Variants in SPOCK2 observed in about 807,000 individuals in gnomAD.
SPOCK2 encodes testican-2.
SPOCK2 carries 39 observed loss-of-function variants against 60.1 expected under a neutral mutation model. The ratio of observed to expected loss-of-function variants is 0.65; its 90% CI spans 0.50 to 0.85. The LOEUF (loss-of-function observed/expected upper bound fraction) is 0.85, where lower values mean the gene tolerates loss of function less well. SPOCK2 is among the 40% of genes least tolerant of loss of function. The probability of loss-of-function intolerance (pLI) is 0.00; values close to 1 mark genes in which losing one functional copy is unlikely to be tolerated. For missense variants in SPOCK2, 523 were observed against 567.4 expected (o/e 0.92, Z 0.80); for synonymous variants, 217 against 231.5 (o/e 0.94, Z 0.57).
Position 72,067,631 on chromosome 10 carries a change from C to T in SPOCK2, c.691G>A (p.Val231Ile). The change falls in exon 7 of 11, where the codon GTA (valine) becomes ATA (isoleucine). Residue 231 changes from valine to isoleucine, a missense_variant. Val to Ile is a conservative substitution (Grantham distance 29, BLOSUM62 3). Transcript: ENST00000373109. ...TTCCTACCGCTGGCCGGGCCGGCTA[C>T]ACTGCTGGCTGAGCCATTCTGCTTG... ...NSKQNGSASS[V>I]AGPASGLDKS... 6.2e-7 allele frequency: 1 copy of T among 1,613,366 alleles called. No individual in the cohort carries two copies. The highest frequency in any genetic ancestry group is 1.1e-5 in the South Asian group (1 of 91,058).
At chr10:72,072,396 CG>C (rs1365437247) in intron 3 of SPOCK2, 106 bp downstream of exon 3, 1 of 1,545,710 alleles carries the variant, frequency 6.5e-7, no homozygotes, top group African/African-American at 1.4e-5. Flanking sequence ...CCATCCCCAC[CG>C]GGGCCTGGCT....
At position 72,087,975 on chromosome 10, in the gene SPOCK2, G is replaced by C. The variant is rs923829638; in HGVS notation, c.189+165C>G. On this transcript the variant is annotated intron_variant, in intron 1 of 10. Transcript: ENST00000373109. The surrounding 1 kb of genome is among the most constrained non-coding windows in gnomAD (Gnocchi z 4.7). ...GGCCCGGGCCGCAGGGACAGGGGAGGGGCGCTGGGCTGTGACCCCCAGTAC... is the reference window on the plus strand; with the variant it reads ...GGCCCGGGCCGCAGGGACAGGGGAGCGGCGCTGGGCTGTGACCCCCAGTAC... Among the ~76,000 whole-genome samples the C allele has an allele frequency of 1.3e-5, 2 of 152,068 alleles. No individual in the cohort carries two copies. Among genetic ancestry groups the C allele is most frequent in the African/African-American group, 2.4e-5 (1 of 41,428 alleles).
intron 1 of SPOCK2, among the ~76,000 whole-genome samples, chr10:72,079,334 T>C (rs1840753971): frequency 6.6e-6 from 1 of 152,108 alleles, no homozygotes; most frequent in African/African-American, 2.4e-5. Context: ...CTGCTTCAAG[T>C]CCTAGGCAGG....
Position 72,062,163 on chromosome 10 carries a change from T to A in SPOCK2, c.*597A>T, listed in dbSNP as rs562352979. On this transcript the variant is annotated 3_prime_UTR_variant, in exon 11 of 11. Coordinates refer to ENST00000373109, the MANE Select transcript of SPOCK2 (RefSeq NM_001244950.2). The surrounding 1 kb of genome is among the most constrained non-coding windows in gnomAD (Gnocchi z 4.3). The stretch of plus-strand genomic sequence containing the variant: ...AGGCTGGTGGGGATGTCACACCACA[T>A]CGGCCCAGTTTTGGGAGGACCTCAG... The A allele has an allele frequency of 6.6e-6, 1 of 152,668 alleles. No homozygotes were observed. Among genetic ancestry groups the A allele is most frequent in the African/African-American group, 2.4e-5 (1 of 41,442 alleles). The allele number at this position is 152,668 out of a possible 1,614,324, so 9.5% of individuals were successfully genotyped here.
chr10:72,074,536 G>C (rs572563360), intron 1 of SPOCK2, among the ~76,000 whole-genome samples: 1 of 152,346 alleles, frequency 6.6e-6, no homozygotes, highest in African/African-American at 2.4e-5. Context: ...AGTGACAGAA[G>C]GAAAACAAGG....
intron 2 of SPOCK2, 163 bp from the exon 3 acceptor site, chr10:72,072,711 C>T: frequency 7.5e-7 from 1 of 1,330,338 alleles, no homozygotes; most frequent in Non-Finnish European, 1.1e-6. Flanking sequence ...AGCTGCCTCC[C>T]CCACACCTCT....
rs1014968168 is a variant in SPOCK2 at position 72,063,632 on chromosome 10, G to A, written c.992-470C>T. ...GGCTCCCCAGCTGAAGCTCCCAGGC[G>A]CCTGTGTACAGGTCACACTGCTAGT... On this transcript the variant is annotated intron_variant, in intron 9 of 10. Transcript: ENST00000373109. Among the ~76,000 whole-genome samples the A allele has an allele frequency of 7.2e-5, 11 of 152,314 alleles. No homozygotes were observed. In the East Asian group the frequency reaches 9.7e-4, roughly 13 times the overall value.
At chr10:72,085,905 C>G (rs1840849049) in intron 1 of SPOCK2, among the ~76,000 whole-genome samples, 1 of 152,158 alleles carries the variant, frequency 6.6e-6, no homozygotes, top group South Asian at 2.1e-4. Context: ...TGGTGGGGAC[C>G]CTGTGTACTG....
rs76024641 is a variant in SPOCK2 at position 72,061,183 on chromosome 10, A to G, written c.*1577T>C. The G allele has an allele frequency of 4.1e-3, 622 of 152,630 alleles. 4 individuals carry two copies. The highest frequency in any genetic ancestry group is 0.014 in the African/African-American group (588 of 41,566). The allele number at this position is 152,630 out of a possible 1,614,324, so 9.5% of individuals were successfully genotyped here. A position where few individuals can be genotyped will look rare whatever the true frequency, so the allele number is the denominator to read the frequency against. ...AACTGGATGGGTGGGGGAAAACAGC[A>G]ACAAACAAACAAAAGAAATGCACAG... On this transcript the variant is annotated 3_prime_UTR_variant, in exon 11 of 11. Transcript: ENST00000373109.
At chr10:72,086,042 G>A (rs2131825187) in intron 1 of SPOCK2, among the ~76,000 whole-genome samples, 1 of 152,328 alleles carries the variant, frequency 6.6e-6, no homozygotes, top group Non-Finnish European at 1.5e-5. Context: ...CAGATCCCCA[G>A]GGCCAGGCCC....
chr10:72,085,017 G>A (rs577401495), intron 1 of SPOCK2, among the ~76,000 whole-genome samples: 115 of 152,314 alleles, frequency 7.6e-4, no homozygotes, highest in Non-Finnish European at 1.3e-3. Context: ...AAAGAGAACA[G>A]TCAGCTCTTC....
intron 1 of SPOCK2, among the ~76,000 whole-genome samples, chr10:72,082,434 C>A (rs145640855): frequency 6.6e-6 from 1 of 152,168 alleles, no homozygotes; most frequent in South Asian, 2.1e-4. Flanking sequence ...ATCTGTGTCC[C>A]CCCCAGACCC....
intron 1 of SPOCK2, among the ~76,000 whole-genome samples, chr10:72,079,195 G>A (rs1034516406): frequency 1.3e-5 from 2 of 152,188 alleles, no homozygotes; most frequent in African/African-American, 4.8e-5. Flanking sequence ...ACCCAGAACT[G>A]TGATTCCAGA....
rs909276164 is a variant in SPOCK2, at chr10:72,087,662, C to T, written c.189+478G>A. ...CCCACGGTGGGAACAGAGGGCACCG[C>T]GCGAGCCGATGCCACCCTCACTGCC... is the stretch of plus-strand genomic sequence containing the variant. On this transcript the variant is annotated intron_variant, in intron 1 of 10. Coordinates refer to ENST00000373109, the MANE Select transcript of SPOCK2 (RefSeq NM_001244950.2). The surrounding 1 kb of genome is among the most constrained non-coding windows in gnomAD (Gnocchi z 4.7). Among the ~76,000 whole-genome samples, 4 of 152,168 alleles carry T rather than the reference C, an allele frequency of 2.6e-5. No homozygotes were observed. The highest frequency in any genetic ancestry group is 9.7e-5 in the African/African-American group (4 of 41,450).
rs1840870494 is a variant in SPOCK2 at position 72,087,194 on chromosome 10, G to A, written c.189+946C>T. ...CCCCTGCTTCCCCAGCCCCCAACCC[G>A]GCCCGGCCGAGAGGAAGGAGCCAGC... On this transcript the variant is annotated intron_variant, in intron 1 of 10. Coordinates refer to ENST00000373109, the MANE Select transcript of SPOCK2 (RefSeq NM_001244950.2). This position sits in a 1 kb window ranked among gnomAD's most constrained non-coding sequence, Gnocchi z 4.7. Among the ~76,000 whole-genome samples the A allele has an allele frequency of 6.9e-6, 1 of 144,392 alleles. No individual in the cohort carries two copies. Among genetic ancestry groups the A allele is most frequent in the South Asian group, 2.3e-4 (1 of 4,334 alleles). The allele number at this position is 144,392 out of a possible 152,430, so 94.7% of individuals were successfully genotyped here. A position where few individuals can be genotyped will look rare whatever the true frequency, so the allele number is the denominator to read the frequency against.
intron 1 of SPOCK2, chr10:72,086,694 G>T (rs1840860473): frequency 1.5e-6 from 2 of 1,335,236 alleles, no homozygotes; most frequent in African/African-American, 1.5e-5. Context: ...CGAAGGCGGA[G>T]ATCAGCAGCC....
intron 1 of SPOCK2, chr10:72,086,420 G>C (rs1358217711): frequency 2.9e-6 from 3 of 1,032,480 alleles, no homozygotes; most frequent in Non-Finnish European, 3.5e-6. Context: ...AACCTTTCCT[G>C]TTCTGATTAA....
rs746708587 is a variant in SPOCK2, at chr10:72,072,498, G to A, written c.244+5C>T. The A allele has an allele frequency of 6.2e-7, 1 of 1,613,994 alleles. No individual in the cohort carries two copies. Among genetic ancestry groups the A allele is most frequent in the Non-Finnish European group, 8.5e-7 (1 of 1,180,012 alleles). The stretch of plus-strand genomic sequence containing the variant: ...CACCTTCCCCCGCCGGGAGAGTCAT[G>A]TTACCTTCATCTCCTTGCTGATTGT... On this transcript the variant is annotated splice_donor_5th_base_variant and intron_variant, in intron 3 of 10. Transcript: ENST00000373109.
rs550543066 is a variant in SPOCK2, at chr10:72,086,337, T to G, written c.189+1803A>C. 42 of 995,942 alleles carry G rather than the reference T, an allele frequency of 4.2e-5. No homozygotes were observed. The African/African-American group carries it at 7.1e-4, about 17-fold the overall frequency. 61.7% of individuals were successfully genotyped at this position (995,942 alleles called of 1,614,324 possible). On this transcript the variant is annotated intron_variant, in intron 1 of 10. Transcript: ENST00000373109. The stretch of plus-strand genomic sequence containing the variant: ...TGCCATGGGGTCAAGCAGTAAGTCA[T>G]TTATTCTCACCCACGGAGCTGGCTA...
Sources: gnomAD v4.1 joint callset for allele counts (sites outside exome capture counted in the v4.1 genomes callset) on GRCh38, gnomAD v4.1.1 for gene constraint, Gnocchi (gnomAD v3.1) non-coding constraint, MANE v1.5 for transcripts, NCBI Gene and HGNC (gene_info 2026-07-23, HGNC 2026-07-21) for gene names.